The following ZNF254 variants were observed in gnomAD, a reference collection of about 807,000 sequenced individuals.
ZNF254 encodes the protein CTD-2017D11.1.
In ZNF254, 10 loss-of-function variants were observed where a neutral mutation model predicts 12.4. That is an observed-to-expected ratio of 0.80 (90% CI 0.50 to 1.36). ZNF254 has a LOEUF of 1.36. Ranked by LOEUF, ZNF254 falls within the 40% of genes most tolerant of loss-of-function variation. The pLI is 0.00. For missense variants in ZNF254, 996 were observed against 763.9 expected, an observed-to-expected ratio of 1.30 and a Z score of -3.58; for synonymous variants, 305 against 253.4, an observed-to-expected ratio of 1.20 and a Z score of -1.93.
chr19:24,091,995 C>G (rs1055398497), intron 1 of ZNF254: 4 of 195,756 alleles, frequency 2.0e-5, no homozygotes, highest in Non-Finnish European at 3.7e-5. Flanking sequence ...TTCTCAGCCT[C>G]TCGAGCAGCT....
At chr19:24,107,077 C>A in intron 3 of ZNF254, 1 of 450,002 alleles carries the variant, frequency 2.2e-6, no homozygotes, top group Non-Finnish European at 3.9e-6. Context: ...TATTTTTCTG[C>A]ACATTTCATC....
chr19:24,090,833 CATT>C (rs1298600988), intron 1 of ZNF254, among the ~76,000 whole-genome samples: 1 of 151,602 alleles, frequency 6.6e-6, no homozygotes, highest in Non-Finnish European at 1.5e-5. Flanking sequence ...GTTTCAAAAA[CATT>C]AATATCTAAT....
chr19:24,124,796 G>A (rs1974719243), intron 3 of ZNF254, among the ~76,000 whole-genome samples: 1 of 149,718 alleles, frequency 6.7e-6, no homozygotes, highest in Admixed American at 6.7e-5. Context: ...GGAAACAAGA[G>A]TCTCACTGTA....
chr19:24,041,943 T>C (rs895845918), intron 1 of ZNF254, among the ~76,000 whole-genome samples: 4 of 152,016 alleles, frequency 2.6e-5, no homozygotes, highest in Admixed American at 1.3e-4. Flanking sequence ...GCTCAGGGAT[T>C]GTAAATACAC....
At chr19:24,076,557 C>T (rs1024760309) in intron 2 of ZNF254, among the ~76,000 whole-genome samples, 3 of 152,088 alleles carry the variant, frequency 2.0e-5, no homozygotes, top group South Asian at 2.1e-4. Flanking sequence ...GTCTCAGCCT[C>T]GTTTCACCTC....
chr19:24,072,278 TCTC>T (rs907152524), intron 2 of ZNF254, among the ~76,000 whole-genome samples: 142 of 152,052 alleles, frequency 9.3e-4, no homozygotes, highest in African/African-American at 3.3e-3. Flanking sequence ...TTCAAGCAAT[TCTC>T]CTGCCTCAGC....
At chr19:24,083,134 T>G (rs771778964), upstream of ZNF254, among the ~76,000 whole-genome samples, 36 of 152,202 alleles carry the variant, frequency 2.4e-4, no homozygotes, top group African/African-American at 3.4e-4. Flanking sequence ...ACAAAATTAA[T>G]GTGCACATAT....
upstream of ZNF254, among the ~76,000 whole-genome samples, chr19:24,086,524 C>A (rs1285722354): frequency 6.6e-6 from 1 of 151,726 alleles, no homozygotes; most frequent in Non-Finnish European, 1.5e-5. Context: ...GTTGTCCAGG[C>A]TGGAGTGTAA....
rs398034320 is a variant in ZNF254, at chr19:24,048,003, C to CTTTTTTTTTTTTTTTTTTTTTT, written c.-94+1726_-94+1747dup. On this transcript the variant is annotated intron_variant, in intron 2 of 4. Transcript: ENST00000613065. ...CACCCGGCTCTTTTTTTCTTTTCTT[C>CTTTTTTTTTTTTTTTTTTTTTT]TTTTTTTTTTTTTTTTTTTTTTTGC... Among the ~76,000 whole-genome samples, 31 of 68,822 alleles carry CTTTTTTTTTTTTTTTTTTTTTT rather than the reference C, an allele frequency of 4.5e-4. 3 individuals are homozygous for CTTTTTTTTTTTTTTTTTTTTTT. Among genetic ancestry groups the CTTTTTTTTTTTTTTTTTTTTTT allele is most frequent in the South Asian group, 6.5e-4 (1 of 1,532 alleles). The allele number at this position is 68,822 out of a possible 152,430, so 45.1% of individuals were successfully genotyped here.
chr19:24,096,519 GTGTT>G (rs1414591489), intron 1 of ZNF254, among the ~76,000 whole-genome samples: 2 of 152,128 alleles, frequency 1.3e-5, no homozygotes, highest in Non-Finnish European at 2.9e-5. Flanking sequence ...TGTGGTCTAT[GTGTT>G]TGTTCTGTAT....
chr19:24,127,753 C>G lies in ZNF254; in HGVS notation c.1753C>G (p.Arg585Gly), dbSNP rs146672619. 2 of 1,611,842 alleles carry G rather than the reference C, an allele frequency of 1.2e-6. No homozygotes were observed. The highest frequency in any genetic ancestry group is 1.7e-6 in the Non-Finnish European group (2 of 1,179,368). ...TGAAGAATGTGGCAAATCTTTTAAC[C>G]GGTCTTCAACTTTTACTAAACATAA... ...KCEECGKSFN[R>G]SSTFTKHKVI... Residue 585 changes from arginine (R) to glycine (G), a missense_variant, in exon 4 of 4, where the codon CGG (arginine) becomes GGG (glycine). Arg to Gly is a moderately radical substitution (Grantham distance 125). Transcript: ENST00000357002.
chr19:24,059,580 A>T (rs1384141802), intron 2 of ZNF254, among the ~76,000 whole-genome samples: 1 of 152,052 alleles, frequency 6.6e-6, no homozygotes, highest in East Asian at 1.9e-4. Context: ...CTTAGCCAGG[A>T]TCCTAGGTGA....
intron 2 of ZNF254, among the ~76,000 whole-genome samples, chr19:24,052,554 TC>T (rs553661912): frequency 1.1e-3 from 172 of 152,328 alleles, no homozygotes; most frequent in African/African-American, 4.0e-3. Context: ...GATGTGTTTT[TC>T]CTGCCTGGTC....
In ZNF254 at chr19:24,081,271, C is replaced by T. The variant is rs141371520; in HGVS notation, c.-93-24669C>T. On this transcript the variant is annotated intron_variant, in intron 2 of 4. Transcript: ENST00000613065. ...TCTTACATAACTTCCTTATCATGCC[C>T]GGATGCCTCAGGGAAGTCGTAGCAA... Among the ~76,000 whole-genome samples the T allele has an allele frequency of 2.1e-3, 312 of 152,100 alleles. 2 individuals carry two copies. In the East Asian group the frequency reaches 0.048, roughly 23 times the overall value.
chr19:24,057,240 A>G (rs1226197612), intron 2 of ZNF254, among the ~76,000 whole-genome samples: 1 of 152,226 alleles, frequency 6.6e-6, no homozygotes, highest in Non-Finnish European at 1.5e-5. Flanking sequence ...TCCATGGACA[A>G]AGCCTACTGG....
intron 3 of ZNF254, among the ~76,000 whole-genome samples, chr19:24,117,183 A>C (rs577484943): frequency 1.1e-4 from 16 of 152,234 alleles, no homozygotes; most frequent in African/African-American, 3.8e-4. Flanking sequence ...GCCTGTTCTC[A>C]GATCTCCAGC....
At chr19:24,101,656 G>A (rs532904235) in intron 1 of ZNF254, among the ~76,000 whole-genome samples, 2 of 152,320 alleles carry the variant, frequency 1.3e-5, no homozygotes, top group South Asian at 4.1e-4. Context: ...AGGTGATCCA[G>A]GTTCTGCAGC....
intron 2 of ZNF254, chr19:24,066,793 A>T (rs1029443322): frequency 1.3e-5 from 2 of 152,250 alleles, no homozygotes; most frequent in Non-Finnish European, 2.9e-5. Context: ...GCAGCTACTC[A>T]GGAGGCTGAG....
chr19:24,051,221 G>C (rs1970633543), intron 2 of ZNF254, among the ~76,000 whole-genome samples: 1 of 152,166 alleles, frequency 6.6e-6, no homozygotes, highest in South Asian at 2.1e-4. Context: ...GCAGTGGTGT[G>C]ATCTTGGTTC....
Sources: gnomAD v4.1 joint callset for allele counts (sites outside exome capture counted in the v4.1 genomes callset) on GRCh38, gnomAD v4.1.1 for gene constraint, MANE v1.5 for transcripts, NCBI Gene and HGNC (gene_info 2026-07-23, HGNC 2026-07-21) for gene names.